Variants in ZBTB20 observed in about 807,000 individuals in gnomAD.
The protein encoded by ZBTB20 is zinc finger and BTB domain-containing protein 20.
ZBTB20 carries 9 observed loss-of-function variants against 56.9 expected under a neutral mutation model. That is an observed-to-expected ratio of 0.16 (90% confidence interval 0.10 to 0.28). The LOEUF (loss-of-function observed/expected upper bound fraction) is 0.28, where lower values mean the gene tolerates loss of function less well. ZBTB20 is among the 10% of genes least tolerant of loss of function. The pLI is 1.00. For synonymous variants in ZBTB20, 417 were observed against 420.7 expected, an observed-to-expected ratio of 0.99 and a Z score of 0.11; for missense variants, 655 against 1,003.0, an observed-to-expected ratio of 0.65 and a Z score of 4.69.
At chr3:115,102,425 A>C (rs2108608824) in intron 1 of ZBTB20, 1 of 152,162 alleles carries the variant, frequency 6.6e-6, no homozygotes, top group East Asian at 1.9e-4. Flanking sequence ...TGTATTAAGA[A>C]AAATGTCAAT....
chr3:114,641,540 C>T (rs1368732902), intron 6 of ZBTB20, among the ~76,000 whole-genome samples: 1 of 151,384 alleles, frequency 6.6e-6, no homozygotes, highest in African/African-American at 2.4e-5. Context: ...GAAGGGGAAA[C>T]GAGGCGAAAA....
chr3:114,530,302 AATGTTTAGAT>A (rs1381697429), intron 6 of ZBTB20, among the ~76,000 whole-genome samples: 1 of 152,134 alleles, frequency 6.6e-6, no homozygotes, highest in Admixed American at 6.5e-5. Context: ...GTACCTTTTC[AATGTTTAGAT>A]ATGTTTAGAT....
intron 7 of ZBTB20, among the ~76,000 whole-genome samples, chr3:114,406,153 T>C (rs2087302679): frequency 6.6e-6 from 1 of 152,152 alleles, no homozygotes; most frequent in Non-Finnish European, 1.5e-5. Context: ...TGTAGCACAG[T>C]GACCAAATAC....
chr3:114,453,921 T>TCCC (rs71616313), intron 7 of ZBTB20, among the ~76,000 whole-genome samples: 4 of 80,346 alleles, frequency 5.0e-5, no homozygotes, highest in African/African-American at 2.1e-4. Flanking sequence ...TTAAGCTCAC[T>TCCC]CCCCCCCCCC....
At chr3:114,623,737 C>A (rs549188532) in intron 6 of ZBTB20, among the ~76,000 whole-genome samples, 35 of 152,250 alleles carry the variant, frequency 2.3e-4, no homozygotes, top group Non-Finnish European at 4.3e-4. Flanking sequence ...GAGTGAAACT[C>A]CAAATGAACA....
intron 6 of ZBTB20, among the ~76,000 whole-genome samples, chr3:114,546,668 T>G (rs2049925815): frequency 6.6e-6 from 1 of 151,650 alleles, no homozygotes; most frequent in East Asian, 1.9e-4. Context: ...AAGTTGCACG[T>G]GGAGAATTCT....
At chr3:114,410,689 A>T (rs2087853955) in intron 7 of ZBTB20, among the ~76,000 whole-genome samples, 4 of 152,216 alleles carry the variant, frequency 2.6e-5, no homozygotes, top group Admixed American at 2.6e-4. Flanking sequence ...AGCAGGTAAA[A>T]TGCTGAAAGG....
intron 3 of ZBTB20, among the ~76,000 whole-genome samples, chr3:114,917,133 GT>G (rs971121947): frequency 4.0e-4 from 61 of 152,080 alleles, no homozygotes; most frequent in African/African-American, 1.4e-3. Flanking sequence ...TCTTTCTTCT[GT>G]TTGATCAATT....
intron 5 of ZBTB20, among the ~76,000 whole-genome samples, chr3:114,716,782 A>C (rs1239888636): frequency 6.6e-6 from 1 of 152,134 alleles, no homozygotes; most frequent in Non-Finnish European, 1.5e-5. Context: ...TGAACTTAAT[A>C]TAGATTTTCA....
intron 1 of ZBTB20, among the ~76,000 whole-genome samples, chr3:115,146,006 T>G (rs1488204986): frequency 6.6e-6 from 1 of 152,158 alleles, no homozygotes; most frequent in South Asian, 2.1e-4. Context: ...TTTGGTATTT[T>G]TAATAGAAAA....
chr3:114,999,071 C>CAGAGG (rs1396941590), intron 2 of ZBTB20, among the ~76,000 whole-genome samples: 1 of 121,814 alleles, frequency 8.2e-6, no homozygotes, highest in African/African-American at 3.3e-5. Context: ...GAGAGGAGAG[C>CAGAGG]AGAGGAGAGG....
intron 6 of ZBTB20, among the ~76,000 whole-genome samples, chr3:114,623,773 TCTACCTCCCTGAATA>T (rs1381786361): frequency 7.2e-5 from 11 of 152,050 alleles, no homozygotes; most frequent in African/African-American, 1.2e-4. Context: ...ACTTCCCCCA[TCTACCTCCCTGAATA>T]CTACCTCCCT....
intron 7 of ZBTB20, among the ~76,000 whole-genome samples, chr3:114,444,234 A>G (rs993683440): frequency 2.0e-5 from 3 of 152,160 alleles, no homozygotes; most frequent in Non-Finnish European, 4.4e-5. Context: ...TCTGACTACA[A>G]TTTCTCAAAA....
chr3:114,821,392 C>T (rs2073236357), intron 4 of ZBTB20, among the ~76,000 whole-genome samples: 1 of 152,108 alleles, frequency 6.6e-6, no homozygotes, highest in African/African-American at 2.4e-5. Context: ...GCACATCAAT[C>T]AAGTATGTAT....
intron 6 of ZBTB20, among the ~76,000 whole-genome samples, chr3:114,625,575 T>C (rs953541796): frequency 7.9e-5 from 12 of 152,032 alleles, no homozygotes; most frequent in Non-Finnish European, 1.3e-4. Context: ...CTGTATGAAA[T>C]GGTTAAAGAG....
intron 10 of ZBTB20, among the ~76,000 whole-genome samples, chr3:114,370,022 T>C (rs2082830934): frequency 6.6e-6 from 1 of 152,190 alleles, no homozygotes; most frequent in Non-Finnish European, 1.5e-5. Context: ...GAAAGCAATG[T>C]TGAGAAGAAG....
chr3:114,955,457 G>A (rs73857872), intron 3 of ZBTB20, among the ~76,000 whole-genome samples: 19,518 of 152,140 alleles, frequency 0.13, 2,773 homozygotes, highest in African/African-American at 0.35. Context: ...CTGTTGTGCA[G>A]GTCTTCTGAT....
chr3:115,103,005 T>A (rs553528547), intron 1 of ZBTB20: 1 of 151,816 alleles, frequency 6.6e-6, no homozygotes, highest in Non-Finnish European at 1.5e-5. Flanking sequence ...AAGAAGAATG[T>A]ACAACATCTC....
intron 11 of ZBTB20, 39 bp downstream of exon 11, chr3:114,350,235 A>G: frequency 1.9e-6 from 3 of 1,560,434 alleles, no homozygotes; most frequent in Non-Finnish European, 2.6e-6. Flanking sequence ...CAGCCCCCTC[A>G]GCCCCTGCTG....
Sources: gnomAD v4.1 joint callset for allele counts (sites outside exome capture counted in the v4.1 genomes callset) on GRCh38, gnomAD v4.1.1 for gene constraint, MANE v1.5 for transcripts, NCBI Gene and HGNC (gene_info 2026-07-23, HGNC 2026-07-21) for gene names.